Variants in GRM8 observed in about 807,000 individuals in gnomAD.
GRM8 encodes metabotropic glutamate receptor 8.
A neutral mutation model predicts 87.2 loss-of-function variants in GRM8; 47 were observed. That is an observed-to-expected ratio of 0.54 (90% confidence interval 0.43 to 0.69). The LOEUF (loss-of-function observed/expected upper bound fraction) is 0.69, where lower values mean the gene tolerates loss of function less well. Ranked by LOEUF, GRM8 falls within the 30% of genes least tolerant of loss-of-function variation. The pLI is 0.00. For synonymous variants in GRM8, 396 were observed against 404.5 expected, an observed-to-expected ratio of 0.98 and a Z score of 0.25; for missense variants, 1,019 against 1,139.2, an observed-to-expected ratio of 0.89 and a Z score of 1.52.
chr7:127,228,734 G>A (rs1469212931), intron 2 of GRM8: 1 of 152,120 alleles, frequency 6.6e-6, no homozygotes, highest in Admixed American at 6.5e-5. Flanking sequence ...GAATCATAGG[G>A]TATTATCCAT....
chr7:126,843,850 T>C (rs1219563484), intron 6 of GRM8, among the ~76,000 whole-genome samples: 1 of 152,222 alleles, frequency 6.6e-6, no homozygotes, highest in South Asian at 2.1e-4. Flanking sequence ...TAAAGAATCA[T>C]GAGCAGTAAC....
intron 6 of GRM8, among the ~76,000 whole-genome samples, chr7:126,872,170 T>C (rs1363760098): frequency 6.6e-6 from 1 of 152,192 alleles, no homozygotes; most frequent in African/African-American, 2.4e-5. Flanking sequence ...GACTCTGCTG[T>C]TCTCAGGAGA....
intron 7 of GRM8, among the ~76,000 whole-genome samples, chr7:126,751,412 TTGTG>T (rs1474617382): frequency 1.3e-5 from 2 of 148,910 alleles, no homozygotes; most frequent in East Asian, 1.9e-4. Flanking sequence ...ACCTTTTCTA[TTGTG>T]TGTGTGTTTG....
At chr7:126,857,973 GAAGGAAGGAAGA>G (rs1411397101) in intron 6 of GRM8, among the ~76,000 whole-genome samples, 2 of 151,544 alleles carry the variant, frequency 1.3e-5, no homozygotes, top group East Asian at 3.9e-4. Context: ...AGGATAAAAG[GAAGGAAGGAAGA>G]GAGGAAGGGA....
intron 2 of GRM8, among the ~76,000 whole-genome samples, chr7:127,123,353 G>A (rs1209158976): frequency 1.3e-5 from 2 of 152,092 alleles, no homozygotes; most frequent in Non-Finnish European, 2.9e-5. Flanking sequence ...GTCCTGGGGG[G>A]AATCCTTCCT....
At chr7:127,073,027 A>G (rs1034075640) in intron 3 of GRM8, among the ~76,000 whole-genome samples, 1 of 151,570 alleles carries the variant, frequency 6.6e-6, no homozygotes, top group African/African-American at 2.4e-5. Context: ...AAACTCTCAG[A>G]GGAGGGGAGA....
intron 9 of GRM8, among the ~76,000 whole-genome samples, chr7:126,513,792 T>C (rs980423978): frequency 1.3e-5 from 2 of 152,144 alleles, no homozygotes; most frequent in Non-Finnish European, 2.9e-5. Flanking sequence ...GACCTGTTTG[T>C]CTATATTAAT....
chr7:126,806,259 G>A (rs911212261), intron 6 of GRM8, among the ~76,000 whole-genome samples: 1 of 152,128 alleles, frequency 6.6e-6, no homozygotes, highest in Non-Finnish European at 1.5e-5. Flanking sequence ...GCTCTTAAAG[G>A]CGGCGCATCT....
intron 9 of GRM8, among the ~76,000 whole-genome samples, chr7:126,477,552 G>T (rs1806076348): frequency 7.6e-6 from 1 of 131,982 alleles, no homozygotes; most frequent in South Asian, 2.4e-4. Context: ...CTGAGAAAAG[G>T]AGAAGTAAGA....
chr7:126,875,393 T>C (rs939799525), intron 6 of GRM8, among the ~76,000 whole-genome samples: 1 of 152,034 alleles, frequency 6.6e-6, no homozygotes, highest in Non-Finnish European at 1.5e-5. Context: ...GAGTTTGGGA[T>C]ACCCACAGAA....
chr7:126,656,390 C>T (rs17612819), intron 7 of GRM8, among the ~76,000 whole-genome samples: 12,053 of 152,208 alleles, frequency 0.079, 655 homozygotes, highest in Non-Finnish European at 0.12. Context: ...GCAAGACCTA[C>T]CAAACAGGCC....
chr7:126,893,601 T>C (rs923038589), intron 6 of GRM8, among the ~76,000 whole-genome samples: 8 of 151,994 alleles, frequency 5.3e-5, no homozygotes, highest in Admixed American at 3.3e-4. Context: ...AACAGATATA[T>C]AATGCTAAGC....
At chr7:126,594,340 T>A (rs370470219) in intron 8 of GRM8, among the ~76,000 whole-genome samples, 103 of 152,170 alleles carry the variant, frequency 6.8e-4, no homozygotes, top group African/African-American at 2.4e-3. Context: ...TCAACCTAAG[T>A]GTCCATCAGT....
intron 7 of GRM8, among the ~76,000 whole-genome samples, chr7:126,767,732 T>A (rs1342891990): frequency 6.6e-6 from 1 of 152,086 alleles, no homozygotes; most frequent in African/African-American, 2.4e-5. Flanking sequence ...TAAAATGTGA[T>A]GAATATCCTG....
chr7:126,879,904 G>T (rs187226907), intron 6 of GRM8, among the ~76,000 whole-genome samples: 4 of 152,074 alleles, frequency 2.6e-5, no homozygotes, highest in Non-Finnish European at 4.4e-5. Context: ...TCTAGTTTGC[G>T]TGCCCTTTCT....
At chr7:126,850,167 C>G (rs1262662461) in intron 6 of GRM8, among the ~76,000 whole-genome samples, 1 of 152,188 alleles carries the variant, frequency 6.6e-6, no homozygotes, top group African/African-American at 2.4e-5. Context: ...AGTTGCCAAA[C>G]CGGCTCTCAG....
At chr7:126,546,425 C>A (rs1045350394) in intron 8 of GRM8, among the ~76,000 whole-genome samples, 2 of 152,102 alleles carry the variant, frequency 1.3e-5, no homozygotes, top group African/African-American at 4.8e-5. Context: ...CTATTAGGAA[C>A]ATCCCATCCA....
At chr7:126,971,759 T>C (rs773730188) in intron 3 of GRM8, among the ~76,000 whole-genome samples, 3 of 152,088 alleles carry the variant, frequency 2.0e-5, no homozygotes, top group African/African-American at 4.8e-5. Context: ...AGAGACCAAA[T>C]AGCAACAGGA....
At chr7:126,972,581 C>T (rs1450790670) in intron 3 of GRM8, among the ~76,000 whole-genome samples, 1 of 151,780 alleles carries the variant, frequency 6.6e-6, no homozygotes, top group Non-Finnish European at 1.5e-5. Context: ...CTGTTTATTT[C>T]TATCTGCATT....
Sources: allele counts gnomAD v4.1 joint callset (sites outside exome capture counted in the v4.1 genomes callset), GRCh38; gene constraint gnomAD v4.1.1; transcripts MANE v1.5; gene names NCBI Gene and HGNC (gene_info 2026-07-23, HGNC 2026-07-21).